Variants in ZNF407 observed in about 807,000 individuals in gnomAD.
ZNF407 encodes zinc finger protein 407.
Under a neutral mutation model 131.2 loss-of-function variants are expected in ZNF407, and 17 were observed. The ratio of observed to expected loss-of-function variants is 0.13; its 90% confidence interval spans 0.09 to 0.19. The LOEUF (loss-of-function observed/expected upper bound fraction) is 0.19, where lower values mean the gene tolerates loss of function less well. ZNF407 is among the 10% of genes least tolerant of loss of function. The probability of loss-of-function intolerance (pLI) is 1.00; values close to 1 mark genes in which losing one functional copy is unlikely to be tolerated. For synonymous variants in ZNF407, 1,156 were observed against 1,062.0 expected, an observed-to-expected ratio of 1.09 and a Z score of -1.72; for missense variants, 2,681 against 2,830.6, an observed-to-expected ratio of 0.95 and a Z score of 1.20.
intron 3 of ZNF407, among the ~76,000 whole-genome samples, chr18:74,747,960 G>T (rs1004712112): frequency 2.0e-5 from 3 of 152,040 alleles, no homozygotes; most frequent in Non-Finnish European, 4.4e-5. Context: ...TGAAGAATTT[G>T]TCAAGAATTA....
intron 8 of ZNF407, among the ~76,000 whole-genome samples, chr18:75,033,298 A>T (rs1326576450): frequency 2.0e-5 from 3 of 152,052 alleles, no homozygotes; most frequent in Admixed American, 2.0e-4. Flanking sequence ...AATGGGGGGA[A>T]GATAGTATTA....
chr18:75,054,464 GT>G (rs576961035), intron 8 of ZNF407, among the ~76,000 whole-genome samples: 184 of 152,266 alleles, frequency 1.2e-3, no homozygotes, highest in African/African-American at 4.2e-3. Flanking sequence ...GTGAATGTGG[GT>G]TTTTTTATAG....
At chr18:74,865,753 T>G (rs550346277) in intron 4 of ZNF407, among the ~76,000 whole-genome samples, 6 of 152,352 alleles carry the variant, frequency 3.9e-5, no homozygotes, top group African/African-American at 1.4e-4. Flanking sequence ...TGTAAAAAAT[T>G]CATAATTGCA....
chr18:74,803,686 A>G (rs528519957), intron 4 of ZNF407, among the ~76,000 whole-genome samples: 1 of 152,374 alleles, frequency 6.6e-6, no homozygotes, highest in South Asian at 2.1e-4. Flanking sequence ...AAAACATACA[A>G]GCTTATTCTG....
At chr18:74,759,027 G>T (rs1299562576) in intron 3 of ZNF407, among the ~76,000 whole-genome samples, 1 of 152,146 alleles carries the variant, frequency 6.6e-6, no homozygotes, top group Non-Finnish European at 1.5e-5. Context: ...AGCAGGTCTG[G>T]CTGATGGTGT....
At chr18:74,658,968 T>TGG (rs1985599332) in intron 3 of ZNF407, among the ~76,000 whole-genome samples, 1 of 152,190 alleles carries the variant, frequency 6.6e-6, no homozygotes, top group African/African-American at 2.4e-5. Context: ...TTAAAATCTA[T>TGG]TGTATACACA....
rs192215296 is a variant in ZNF407, at chr18:74,742,613, A to G, written c.4803-38815A>G. ...TTGGATAATGAAAATTATCTTTTTTAGATTACATCATTTTAGGAAGAGTGA... is the reference window on the plus strand; with the variant it reads ...TTGGATAATGAAAATTATCTTTTTTGGATTACATCATTTTAGGAAGAGTGA... On this transcript the variant is annotated intron_variant, in intron 3 of 8. Coordinates refer to ENST00000299687, the MANE Select transcript of ZNF407 (RefSeq NM_017757.3). 1.6e-4 allele frequency among the ~76,000 whole-genome samples: 24 copies of G among 152,294 alleles called. No individual in the cohort carries two copies. In the East Asian group the frequency reaches 4.2e-3, roughly 27 times the overall value.
intron 7 of ZNF407, among the ~76,000 whole-genome samples, chr18:74,914,304 G>C (rs980144124): frequency 6.6e-6 from 1 of 152,166 alleles, no homozygotes; most frequent in Non-Finnish European, 1.5e-5. Flanking sequence ...GCAGTAGAGC[G>C]GAGTTGAGAA....
chr18:74,992,432 T>C (rs1345243027), intron 8 of ZNF407, among the ~76,000 whole-genome samples: 3 of 151,892 alleles, frequency 2.0e-5, no homozygotes, highest in African/African-American at 7.3e-5. Context: ...AGAGAACTCG[T>C]TGTGGGTCCG....
At chr18:74,834,123 A>G (rs962536959) in intron 4 of ZNF407, among the ~76,000 whole-genome samples, 5 of 152,232 alleles carry the variant, frequency 3.3e-5, no homozygotes, top group African/African-American at 7.2e-5. Context: ...TCATTTGTTC[A>G]GTAGCAGTAA....
At chr18:74,943,135 C>G (rs2145270207) in intron 8 of ZNF407, among the ~76,000 whole-genome samples, 1 of 152,140 alleles carries the variant, frequency 6.6e-6, no homozygotes, top group Middle Eastern at 3.4e-3. Flanking sequence ...CCAGGATGGT[C>G]TCGATCTCCT....
chr18:74,685,782 C>T (rs558728681), intron 3 of ZNF407, among the ~76,000 whole-genome samples: 60 of 152,192 alleles, frequency 3.9e-4, no homozygotes, highest in Admixed American at 3.3e-3. Flanking sequence ...ACTCACATGC[C>T]GCCTTCGAAG....
chr18:74,913,626 C>G (rs1343350498), intron 7 of ZNF407, among the ~76,000 whole-genome samples: 3 of 152,198 alleles, frequency 2.0e-5, no homozygotes, highest in African/African-American at 7.2e-5. Flanking sequence ...CCTAGCTGGT[C>G]ATCTGGGACA....
intron 8 of ZNF407, among the ~76,000 whole-genome samples, chr18:75,058,052 G>A (rs966579736): frequency 2.6e-5 from 4 of 152,138 alleles, no homozygotes; most frequent in Non-Finnish European, 4.4e-5. Flanking sequence ...AGTCAGGTAC[G>A]CAGCCCTGTG....
At chr18:74,894,905 T>A (rs1971432555) in intron 7 of ZNF407, among the ~76,000 whole-genome samples, 1 of 152,178 alleles carries the variant, frequency 6.6e-6, no homozygotes, top group South Asian at 2.1e-4. Context: ...AGAGTTTTCC[T>A]TAACTGTGTC....
At chr18:74,849,130 G>A (rs187485061) in intron 4 of ZNF407, among the ~76,000 whole-genome samples, 1 of 148,528 alleles carries the variant, frequency 6.7e-6, no homozygotes, top group East Asian at 2.0e-4. Context: ...TCAGGCTGGA[G>A]TGCAGTGGCG....
At chr18:74,771,673 C>A (rs1426360630) in intron 3 of ZNF407, among the ~76,000 whole-genome samples, 1 of 151,934 alleles carries the variant, frequency 6.6e-6, no homozygotes, top group Non-Finnish European at 1.5e-5. Context: ...CTGGTGCAAT[C>A]TATCTCAATT....
chr18:74,798,227 C>CACAT (rs1969957974), intron 4 of ZNF407, among the ~76,000 whole-genome samples: 1 of 151,508 alleles, frequency 6.6e-6, no homozygotes, highest in Non-Finnish European at 1.5e-5. Context: ...CACACACACA[C>CACAT]ACACACACAC....
At chr18:74,895,174 T>C (rs948553062) in intron 7 of ZNF407, among the ~76,000 whole-genome samples, 1 of 152,110 alleles carries the variant, frequency 6.6e-6, no homozygotes, top group Admixed American at 6.6e-5. Flanking sequence ...TTAACCAGTG[T>C]TAATGACTTC....
Sources: gnomAD v4.1 joint callset for allele counts (sites outside exome capture counted in the v4.1 genomes callset) on GRCh38, gnomAD v4.1.1 for gene constraint, MANE v1.5 for transcripts, NCBI Gene and HGNC (gene_info 2026-07-23, HGNC 2026-07-21) for gene names.